SACM1L: variants seen among roughly 807,000 people sequenced by gnomAD.
SACM1L encodes the protein phosphatidylinositol-3-phosphatase SAC1.
Under a neutral mutation model 89.5 loss-of-function variants are expected in SACM1L, and 32 were observed. That is an observed-to-expected ratio of 0.36 (90% CI 0.27 to 0.48). The LOEUF (loss-of-function observed/expected upper bound fraction) is 0.48. Among genes scored for constraint, SACM1L ranks in the 20% least tolerant of loss-of-function variants. SACM1L has a pLI of 0.99. For synonymous variants in SACM1L, 213 were observed against 232.8 expected (o/e 0.92, Z 0.77); for missense variants, 543 against 708.5 (o/e 0.77, Z 2.65).
intron 12 of SACM1L, 84 bp downstream of exon 12, chr3:45,731,464 C>G: frequency 1.3e-6 from 1 of 780,714 alleles, no homozygotes; most frequent in Admixed American, 2.7e-5. Flanking sequence ...GCTCACTAGA[C>G]ATATGTTTCA....
At position 45,743,587 on chromosome 3, in the gene SACM1L, T is replaced by C; in HGVS notation, c.1682T>C (p.Ile561Thr). 1.2e-6 allele frequency: 2 copies of C among 1,614,168 alleles called. No individual in the cohort carries two copies. The highest frequency in any genetic ancestry group is 1.3e-5 in the African/African-American group (1 of 75,058). ...GTGCTCTTCTGGGGAGTTGCAAGCA[T>C]TGGAACATTTTTTATCATTCTTTAC... ...AYVLFWGVAS[I>T]GTFFIILYNG... The change falls in exon 20 of 20, where the codon ATT becomes ACT. Residue 561 changes from isoleucine to threonine, a missense_variant. By Grantham distance (89) the Ile-to-Thr change is moderately conservative. This residue lies in a region of SACM1L where 370 missense variants were observed against 527.6 expected (regional missense o/e 0.70). Coordinates refer to ENST00000389061, the MANE Select transcript of SACM1L (RefSeq NM_014016.5).
chr3:45,743,142 T>C (rs1017848203), intron 19 of SACM1L, among the ~76,000 whole-genome samples: 23 of 152,230 alleles, frequency 1.5e-4, no homozygotes, highest in Non-Finnish European at 3.2e-4. Flanking sequence ...GTTATAGAAC[T>C]ATGAATTAAA....
At chr3:45,705,496 AT>A (rs36040487) in intron 3 of SACM1L, among the ~76,000 whole-genome samples, 9,501 of 103,244 alleles carry the variant, frequency 0.092, 356 homozygotes, top group African/African-American at 0.27. Context: ...TGTAAATAAA[AT>A]TTTTTTTTTT....
chr3:45,735,318 G>C lies in SACM1L; in HGVS notation c.1184G>C (p.Arg395Thr), dbSNP rs1400174134. The stretch of plus-strand genomic sequence containing the variant: ...AGCAATTGCATGGATTGTCTAGATA[G>C]AACCAATGTGATCCAGAGTTTGTTA... ...FRSNCMDCLDRTNVIQSLLAR... is the reference protein window; with the variant it reads ...FRSNCMDCLDTTNVIQSLLAR... Residue 395 changes from arginine to threonine, a missense_variant, in exon 14 of 20, where the codon AGA becomes ACA. Around this residue, in one of 2 missense-constraint regions of SACM1L, gnomAD observed 370 missense variants for 527.6 expected, o/e 0.70. Coordinates refer to ENST00000389061, the MANE Select transcript of SACM1L (RefSeq NM_014016.5). 6.2e-7 allele frequency: 1 copy of C among 1,605,360 alleles called. No individual in the cohort carries two copies.
chr3:45,738,965 GT>G, intron 18 of SACM1L, 92 bp downstream of exon 18: 1 of 757,870 alleles, frequency 1.3e-6, no homozygotes, highest in Non-Finnish European at 2.2e-6. Context: ...GTTATATGTG[GT>G]TTTATATTTC....
intron 1 of SACM1L, among the ~76,000 whole-genome samples, chr3:45,697,157 C>CT (rs905708876): frequency 3.0e-4 from 42 of 141,832 alleles, no homozygotes; most frequent in African/African-American, 9.4e-4. Context: ...TTGATTCTTT[C>CT]TTTTTTTTTT....
chr3:45,728,336 G>A (rs141812944), intron 11 of SACM1L, among the ~76,000 whole-genome samples: 4 of 152,126 alleles, frequency 2.6e-5, no homozygotes, highest in African/African-American at 9.6e-5. Context: ...TGTTTTCTGT[G>A]TGTCCTATAG....
intron 1 of SACM1L, among the ~76,000 whole-genome samples, chr3:45,695,654 T>C (rs1288627439): frequency 2.0e-5 from 3 of 152,276 alleles, no homozygotes; most frequent in Admixed American, 2.0e-4. Flanking sequence ...GGTTTCATTA[T>C]TTTTAAAAAT....
intron 1 of SACM1L, among the ~76,000 whole-genome samples, chr3:45,697,534 C>G (rs1178589356): frequency 6.6e-6 from 1 of 152,150 alleles, no homozygotes; most frequent in Non-Finnish European, 1.5e-5. Flanking sequence ...GCCTCAGCCT[C>G]CCAAAGTGCT....
In SACM1L at chr3:45,713,882, A is replaced by G. The variant is rs112551935; in HGVS notation, c.544-164A>G. On this transcript the variant is annotated intron_variant, in intron 6 of 19. Coordinates refer to ENST00000389061, the MANE Select transcript of SACM1L (RefSeq NM_014016.5). ...GAATATTCAAGCTCAAATGATTGTA[A>G]TGCATACTTAATGTTACATTAGAGA... The G allele has an allele frequency of 1.2e-4, 44 of 353,442 alleles. No individual in the cohort carries two copies. In the Middle Eastern group the frequency reaches 2.5e-3, roughly 20 times the overall value. The allele number at this position is 353,442 out of a possible 1,614,324, so 21.9% of individuals were successfully genotyped here.
At chr3:45,735,456 T>A in intron 14 of SACM1L, 83 bp downstream of exon 14, 1 of 1,354,232 alleles carries the variant, frequency 7.4e-7, no homozygotes, top group Non-Finnish European at 9.9e-7. Context: ...CAAAAAATAT[T>A]CACATTGCCC....
intron 10 of SACM1L, among the ~76,000 whole-genome samples, 183 bp from the exon 11 acceptor site, chr3:45,723,292 A>G (rs1342220189): frequency 6.6e-6 from 1 of 152,152 alleles, no homozygotes; most frequent in Non-Finnish European, 1.5e-5. Flanking sequence ...AGAGTAAAAT[A>G]GCTTATGATT....
chr3:45,710,749 G>C (rs1698507630), intron 5 of SACM1L, among the ~76,000 whole-genome samples: 1 of 151,992 alleles, frequency 6.6e-6, no homozygotes. Flanking sequence ...TATTTCATGT[G>C]GTTCAACCTA....
intron 1 of SACM1L, among the ~76,000 whole-genome samples, chr3:45,695,861 C>G (rs568378187): frequency 2.0e-5 from 3 of 152,268 alleles, no homozygotes; most frequent in East Asian, 1.9e-4. Context: ...AACCACCGTT[C>G]TACTTTCTGT....
intron 14 of SACM1L, 23 bp downstream of exon 14, chr3:45,735,396 T>A (rs749295000): frequency 2.0e-6 from 3 of 1,478,348 alleles, no homozygotes; most frequent in Admixed American, 2.6e-5. Flanking sequence ...TTTTTTTTTT[T>A]AATTGAAAAA....
intron 11 of SACM1L, among the ~76,000 whole-genome samples, chr3:45,725,135 C>A (rs1698888302): frequency 6.6e-6 from 1 of 152,076 alleles, no homozygotes; most frequent in Non-Finnish European, 1.5e-5. Flanking sequence ...TTCCAACTTC[C>A]TTCTCCTTTT....
At chr3:45,716,457 A>G (rs1327126596) in intron 7 of SACM1L, among the ~76,000 whole-genome samples, 2 of 152,164 alleles carry the variant, frequency 1.3e-5, no homozygotes, top group African/African-American at 2.4e-5. Flanking sequence ...TGACAGCGCA[A>G]GACCTCTACT....
At chr3:45,707,098 T>G (rs1200085296) in intron 4 of SACM1L, 191 bp downstream of exon 4, 2 of 470,870 alleles carry the variant, frequency 4.2e-6, no homozygotes, top group African/African-American at 2.0e-5. Flanking sequence ...GCTCTTGTTT[T>G]TTTTTTTTTA....
chr3:45,705,219 A>G lies in SACM1L; in HGVS notation c.205+10A>G. On this transcript the variant is annotated intron_variant, in intron 3 of 19. Coordinates refer to ENST00000389061, the MANE Select transcript of SACM1L (RefSeq NM_014016.5). ...ATCCATCTGGTGGCAGGTAAGAGAA[A>G]ATAAGCTAAGATGGGCAAAGAAGGT... is the stretch of plus-strand genomic sequence containing the variant. 2 of 1,579,464 alleles carry G rather than the reference A, an allele frequency of 1.3e-6. No individual in the cohort carries two copies. The highest frequency in any genetic ancestry group is 1.3e-5 in the African/African-American group (1 of 74,224).
Sources: gnomAD v4.1 joint callset for allele counts (sites outside exome capture counted in the v4.1 genomes callset) on GRCh38, gnomAD v4.1.1 for gene constraint, gnomAD v4.1.1 regional missense constraint, MANE v1.5 for transcripts, NCBI Gene and HGNC (gene_info 2026-07-23, HGNC 2026-07-21) for gene names.